Variants in CLMN observed in about 807,000 individuals in gnomAD.
The protein encoded by CLMN is calmin.
Under a neutral mutation model 92.7 loss-of-function variants are expected in CLMN, and 57 were observed. That is an observed-to-expected ratio of 0.61 (90% CI 0.50 to 0.77). CLMN has a LOEUF of 0.77. Ranked by LOEUF, CLMN falls within the 30% of genes least tolerant of loss-of-function variation. The probability of loss-of-function intolerance (pLI) is 0.00; values close to 1 mark genes in which losing one functional copy is unlikely to be tolerated. For missense variants in CLMN, 1,158 were observed against 1,237.5 expected (o/e 0.94, Z 0.96); for synonymous variants, 466 against 470.6 (o/e 0.99, Z 0.13).
rs1033772122 is a variant in CLMN, at chr14:95,257,688, G to A, written c.83-27555C>T. On this transcript the variant is annotated intron_variant, in intron 1 of 12. Transcript: ENST00000298912. ...TCACACCCCAGCCACGTGGCTATGC[G>A]GGGTGCGGAGCTACCATGTTCTAGT... Among the ~76,000 whole-genome samples the A allele has an allele frequency of 4.6e-5, 7 of 152,196 alleles. No homozygotes were observed. The East Asian group carries it at 5.8e-4, about 13-fold the overall frequency.
At chr14:95,302,934 A>G (rs1229616522) in intron 1 of CLMN, among the ~76,000 whole-genome samples, 1 of 152,222 alleles carries the variant, frequency 6.6e-6, no homozygotes, top group African/African-American at 2.4e-5. Flanking sequence ...TTTACTAGAT[A>G]AGGGCTGCAG....
At chr14:95,315,211 G>C (rs1392957069) in intron 1 of CLMN, among the ~76,000 whole-genome samples, 1 of 152,184 alleles carries the variant, frequency 6.6e-6, no homozygotes, top group Non-Finnish European at 1.5e-5. Context: ...TCCTGAGCCA[G>C]GCCACAGGTG....
intron 5 of CLMN, among the ~76,000 whole-genome samples, chr14:95,213,842 C>T (rs1897259983): frequency 1.3e-5 from 2 of 152,144 alleles, no homozygotes; most frequent in Non-Finnish European, 2.9e-5. Flanking sequence ...CTCATGAGGA[C>T]TTCTGTAAGA....
At chr14:95,206,702 T>C (rs1306093964) in intron 8 of CLMN, among the ~76,000 whole-genome samples, 1 of 152,250 alleles carries the variant, frequency 6.6e-6, no homozygotes, top group African/African-American at 2.4e-5. Context: ...TGAACCAGAA[T>C]GACTTTCTCC....
chr14:95,221,594 G>T lies in CLMN; in HGVS notation c.324+97C>A, dbSNP rs776676452. On this transcript the variant is annotated intron_variant, in intron 4 of 12. Coordinates refer to ENST00000298912, the MANE Select transcript of CLMN (RefSeq NM_024734.4). Reference sequence around the variant, plus strand: ...ATTTGACCATTTTAGCTCAGTCCCCGTCTCACGCTTCTCTTGCGACCAGCA... The same window carrying T: ...ATTTGACCATTTTAGCTCAGTCCCCTTCTCACGCTTCTCTTGCGACCAGCA... 7 of 1,054,678 alleles carry T rather than the reference G, an allele frequency of 6.6e-6. No individual in the cohort carries two copies. In the East Asian group the frequency reaches 1.7e-4, roughly 25 times the overall value. 65.3% of individuals were successfully genotyped at this position (1,054,678 alleles called of 1,614,324 possible).
chr14:95,192,405 T>A (rs553327635), intron 12 of CLMN: 1 of 152,196 alleles, frequency 6.6e-6, no homozygotes, highest in Non-Finnish European at 1.5e-5. Context: ...TGGCGGATCA[T>A]AGGGAAGCCC....
At chr14:95,215,856 TG>T in intron 4 of CLMN, 123 bp from the exon 5 acceptor site, 1 of 626,936 alleles carries the variant, frequency 1.6e-6, no homozygotes, top group Non-Finnish European at 2.8e-6. Flanking sequence ...TGTGTGTGTG[TG>T]TGTTTGCATG....
rs1485918056 is a variant in CLMN, at chr14:95,191,760, G to A, written c.2841-28C>T. Reference sequence around the variant, plus strand: ...ACAGAAGAAACACAGAGGAAACGCAGTTACCAAGCAGGTTCCCAGGAAAGT... The same window carrying A: ...ACAGAAGAAACACAGAGGAAACGCAATTACCAAGCAGGTTCCCAGGAAAGT... On this transcript the variant is annotated intron_variant, in intron 12 of 12. Transcript: ENST00000298912. The surrounding 1 kb of genome is among the most constrained non-coding windows in gnomAD (Gnocchi z 5.3). The A allele has an allele frequency of 3.2e-6, 5 of 1,580,714 alleles. No homozygotes were observed. Among genetic ancestry groups the A allele is most frequent in the Non-Finnish European group, 3.4e-6 (4 of 1,167,020 alleles).
intron 1 of CLMN, among the ~76,000 whole-genome samples, chr14:95,272,498 G>T (rs1201998484): frequency 6.6e-6 from 1 of 152,196 alleles, no homozygotes; most frequent in African/African-American, 2.4e-5. Context: ...CCTATGCCAG[G>T]GGCCCGGAAT....
intron 8 of CLMN, among the ~76,000 whole-genome samples, chr14:95,208,056 C>A (rs886334796): frequency 3.3e-5 from 5 of 151,226 alleles, no homozygotes; most frequent in South Asian, 2.1e-4. Context: ...GAATGGCAGG[C>A]AGCCCAGAGA....
chr14:95,213,195 G>A, intron 6 of CLMN, 24 bp downstream of exon 6: 4 of 1,609,790 alleles, frequency 2.5e-6, no homozygotes, highest in Non-Finnish European at 3.4e-6. Context: ...ATGAAGTAGT[G>A]TGGGGAGAGG....
chr14:95,210,722 C>T lies in CLMN; in HGVS notation c.766G>A (p.Asp256Asn), dbSNP rs1360258469. ...AGGAGCCTGGGGATGTGCAGGGCAT[C>T]CTGTGCGATGCTGAAAGCCTTCTCT... ...NLEKAFSIAQ[D>N]ALHIPRLLEP... Residue 256 changes from aspartate to asparagine, a missense_variant, in exon 7 of 13, where the codon GAT becomes AAT. Transcript: ENST00000298912. 1.2e-6 allele frequency: 2 copies of T among 1,609,636 alleles called. No individual in the cohort carries two copies. Among genetic ancestry groups the T allele is most frequent in the Admixed American group, 1.7e-5 (1 of 59,312 alleles).
intron 1 of CLMN, among the ~76,000 whole-genome samples, chr14:95,283,179 T>C (rs752157010): frequency 6.6e-6 from 1 of 152,230 alleles, no homozygotes; most frequent in Non-Finnish European, 1.5e-5. Context: ...ATTCTTGTAA[T>C]AGTGAATAAG....
intron 1 of CLMN, among the ~76,000 whole-genome samples, chr14:95,238,740 C>T (rs556195618): frequency 5.3e-5 from 8 of 152,198 alleles, no homozygotes; most frequent in African/African-American, 1.7e-4. Context: ...GTGGTCTCCC[C>T]AATACATGCC....
intron 1 of CLMN, among the ~76,000 whole-genome samples, chr14:95,264,798 C>T (rs1440523241): frequency 2.0e-5 from 3 of 152,014 alleles, no homozygotes; most frequent in South Asian, 2.1e-4. Flanking sequence ...GAAGGCTGGG[C>T]GCAGTGGCTC....
chr14:95,239,304 T>C (rs978457065), intron 1 of CLMN, among the ~76,000 whole-genome samples: 1 of 152,094 alleles, frequency 6.6e-6, no homozygotes, highest in African/African-American at 2.4e-5. Flanking sequence ...TTTGGCAGGT[T>C]TGAGAAGAAG....
At chr14:95,297,955 A>G (rs66776740) in intron 1 of CLMN, among the ~76,000 whole-genome samples, 72,590 of 151,934 alleles carry the variant, frequency 0.48, 17,894 homozygotes, top group East Asian at 0.67. Context: ...GCTGTATGGT[A>G]GAGTATGTCT....
intron 1 of CLMN, among the ~76,000 whole-genome samples, chr14:95,233,667 C>A (rs1897961121): frequency 1.3e-5 from 2 of 152,214 alleles, no homozygotes; most frequent in African/African-American, 4.8e-5. Flanking sequence ...GATTAGAATG[C>A]TGAAGGCTGA....
intron 1 of CLMN, among the ~76,000 whole-genome samples, chr14:95,288,846 G>A (rs552729271): frequency 7.4e-4 from 112 of 152,226 alleles, no homozygotes; most frequent in African/African-American, 2.6e-3. Flanking sequence ...TGGTACAGTC[G>A]CACAAAGGAA....
Sources: allele counts gnomAD v4.1 joint callset (sites outside exome capture counted in the v4.1 genomes callset), GRCh38; gene constraint gnomAD v4.1.1; non-coding constraint Gnocchi (gnomAD v3.1); transcripts MANE v1.5; gene names NCBI Gene and HGNC (gene_info 2026-07-23, HGNC 2026-07-21).